Variants in ARHGEF9 observed in about 807,000 individuals in gnomAD.
ARHGEF9 encodes the protein Cdc42 guanine nucleotide exchange factor 9, also known as rho guanine nucleotide exchange factor 9.
In ARHGEF9, 2 loss-of-function variants were observed where a neutral mutation model predicts 41.3. The ratio of observed to expected loss-of-function variants is 0.05; its 90% CI spans 0.02 to 0.15. The LOEUF is 0.15. Ranked by LOEUF, ARHGEF9 falls within the 10% of genes least tolerant of loss-of-function variation. The pLI is 1.00. For missense variants in ARHGEF9, 225 were observed against 424.7 expected (o/e 0.53, Z 4.13); for synonymous variants, 160 against 154.4 (o/e 1.04, Z -0.27).
chrX:63,649,953 G>T (rs1311600689), intron 8 of ARHGEF9, among the ~76,000 whole-genome samples: 2 of 111,302 alleles, frequency 1.8e-5, no homozygotes, highest in Non-Finnish European at 3.8e-5. Context: ...AGAGTGGAAA[G>T]GATCTAAAAT....
intron 1 of ARHGEF9, among the ~76,000 whole-genome samples, chrX:63,773,661 T>G (rs2056240402): frequency 1.8e-5 from 2 of 111,924 alleles, no homozygotes; most frequent in Non-Finnish European, 3.8e-5. Flanking sequence ...GGTGTGTCTG[T>G]GAGGACTTTT....
At chrX:63,783,768 C>A (rs1399795991) in intron 1 of ARHGEF9, among the ~76,000 whole-genome samples, 1 of 111,641 alleles carries the variant, frequency 9.0e-6, no homozygotes, top group Non-Finnish European at 1.9e-5. Flanking sequence ...CTCTCTGGAT[C>A]CCAGCTTTCC....
At chrX:63,716,690 T>C (rs139108570) in intron 2 of ARHGEF9, among the ~76,000 whole-genome samples, 1 of 111,989 alleles carries the variant, frequency 8.9e-6, no homozygotes, top group East Asian at 2.8e-4. Context: ...GTTGGACCAA[T>C]AATACCAGTC....
At chrX:63,666,696 G>A (rs1338300394) in intron 6 of ARHGEF9, among the ~76,000 whole-genome samples, 1 of 110,250 alleles carries the variant, frequency 9.1e-6, no homozygotes, top group Non-Finnish European at 1.9e-5. Context: ...TCTTATAATT[G>A]TTTTTCCTTC....
chrX:63,650,158 C>T (rs2048448793), intron 8 of ARHGEF9, among the ~76,000 whole-genome samples: 1 of 111,276 alleles, frequency 9.0e-6, no homozygotes, highest in South Asian at 3.7e-4. Context: ...ACTATATAAT[C>T]CAGCAATGCC....
At chrX:63,758,781 G>A (rs2055977939) in intron 1 of ARHGEF9, among the ~76,000 whole-genome samples, 1 of 112,161 alleles carries the variant, frequency 8.9e-6, no homozygotes, top group Non-Finnish European at 1.9e-5. Flanking sequence ...AGGATCCTAC[G>A]TTTAGCCCTC....
At chrX:63,638,716 T>G in intron 9 of ARHGEF9, 1 of 300,030 alleles carries the variant, frequency 3.3e-6, no homozygotes, top group Non-Finnish European at 5.8e-6. Context: ...GACAGGTTTC[T>G]AGGAGAAATT....
At chrX:63,674,972 C>T (rs1170644385) in intron 5 of ARHGEF9, among the ~76,000 whole-genome samples, 3 of 111,383 alleles carry the variant, frequency 2.7e-5, no homozygotes, top group Non-Finnish European at 5.7e-5. Flanking sequence ...GAGAAATCAC[C>T]TTTAAGGTAG....
In ARHGEF9 at chrX:63,635,536, T is replaced by A. The variant is rs1233632701; in HGVS notation, c.*2492A>T. 2.1e-6 allele frequency: 1 copy of A among 478,127 alleles called. No homozygotes were observed. Among genetic ancestry groups the A allele is most frequent in the East Asian group, 3.9e-5 (1 of 25,661 alleles). 39.4% of individuals were successfully genotyped at this position (478,127 alleles called of 1,213,427 possible). A position where few individuals can be genotyped will look rare whatever the true frequency, so the allele number is the denominator to read the frequency against. On this transcript the variant is annotated 3_prime_UTR_variant, in exon 10 of 10. Transcript: ENST00000671741. The stretch of plus-strand genomic sequence containing the variant: ...TCCCCTTGGGGCTGTTGGCCACTGG[T>A]CTGCTTTGATGCTATAGGCTGAGGG...
chrX:63,696,753 G>A (rs2051776475), intron 4 of ARHGEF9, among the ~76,000 whole-genome samples: 2 of 111,632 alleles, frequency 1.8e-5, no homozygotes, highest in Non-Finnish European at 1.9e-5. Context: ...AGGAAAGGGA[G>A]AGGGGAGGGG....
intron 6 of ARHGEF9, among the ~76,000 whole-genome samples, chrX:63,669,163 A>G: frequency 8.9e-6 from 1 of 111,828 alleles, no homozygotes; most frequent in Middle Eastern, 4.6e-3. Context: ...CAGCCCTCTC[A>G]TTGTTTAGAG....
At chrX:63,713,063 G>C (rs2053045219) in intron 2 of ARHGEF9, 2 of 111,618 alleles carry the variant, frequency 1.8e-5, no homozygotes, top group South Asian at 7.6e-4. Context: ...AAAGGCTCAA[G>C]GAGTGTCTTA....
chrX:63,762,850 C>T (rs1405864137), intron 1 of ARHGEF9, among the ~76,000 whole-genome samples: 4 of 111,741 alleles, frequency 3.6e-5, no homozygotes, highest in Admixed American at 9.5e-5. Flanking sequence ...CCTCCTCTTC[C>T]TTCTCCTCTT....
chrX:63,784,441 T>C (rs1359737780), intron 1 of ARHGEF9, among the ~76,000 whole-genome samples: 1 of 112,182 alleles, frequency 8.9e-6, no homozygotes, highest in Non-Finnish European at 1.9e-5. Flanking sequence ...AGAGAAGAGC[T>C]CTGTTAACTG....
At chrX:63,727,850 G>T (rs1302535509) in intron 1 of ARHGEF9, among the ~76,000 whole-genome samples, 2 of 112,159 alleles carry the variant, frequency 1.8e-5, no homozygotes, top group African/African-American at 6.5e-5. Flanking sequence ...GAAGCTCAAA[G>T]AAGTTAAATA....
intron 9 of ARHGEF9, 87 bp from the exon 10 acceptor site, chrX:63,638,296 C>T: frequency 2.4e-6 from 2 of 833,420 alleles, no homozygotes; most frequent in Non-Finnish European, 3.5e-6. Context: ...TCTGGGCAGA[C>T]AACTCAAGGC....
intron 1 of ARHGEF9, among the ~76,000 whole-genome samples, chrX:63,744,594 C>A (rs2055156422): frequency 8.9e-6 from 1 of 112,140 alleles, no homozygotes; most frequent in African/African-American, 3.2e-5. Context: ...CTTTTTCTCA[C>A]CTGTGAAATG....
At chrX:63,645,552 A>T (rs1347042060) in intron 8 of ARHGEF9, among the ~76,000 whole-genome samples, 2 of 112,070 alleles carry the variant, frequency 1.8e-5, no homozygotes, top group Non-Finnish European at 3.8e-5. Context: ...TACAAAGGAC[A>T]TGAACTCATC....
rs1347240445 is a variant in ARHGEF9, at chrX:63,685,362, T to G, written c.583-6790A>C. Among the ~76,000 whole-genome samples, 3 of 111,614 alleles carry G rather than the reference T, an allele frequency of 2.7e-5. No individual in the cohort carries two copies. In the East Asian group the frequency reaches 8.4e-4, roughly 31 times the overall value. On this transcript the variant is annotated intron_variant, in intron 4 of 9. Transcript: ENST00000671741. ...GTTAAATGTTCATGGATTTGAAGAC[T>G]CATCATATCAATGTTCCCAAAACTG...
Sources: gnomAD v4.1 joint callset for allele counts (sites outside exome capture counted in the v4.1 genomes callset) on GRCh38, gnomAD v4.1.1 for gene constraint, MANE v1.5 for transcripts, NCBI Gene and HGNC (gene_info 2026-07-23, HGNC 2026-07-21) for gene names.